The following SIPA1L1 variants were observed in gnomAD, a reference collection of about 807,000 sequenced individuals.
SIPA1L1 encodes the protein signal induced proliferation associated 1 like 1.
A neutral mutation model predicts 162.7 loss-of-function variants in SIPA1L1; 26 were observed. The observed-to-expected ratio is 0.16, with a 90% CI of 0.12 to 0.22. The LOEUF is 0.22. Ranked by LOEUF, SIPA1L1 falls within the 10% of genes least tolerant of loss-of-function variation. SIPA1L1 has a pLI of 1.00. For missense variants in SIPA1L1, 1,874 were observed against 2,241.0 expected (o/e 0.84, Z 3.31); for synonymous variants, 829 against 837.4 (o/e 0.99, Z 0.17).
At chr14:71,540,339 G>A (rs1459618905) in intron 4 of SIPA1L1, among the ~76,000 whole-genome samples, 1 of 152,114 alleles carries the variant, frequency 6.6e-6, no homozygotes, top group African/African-American at 2.4e-5. Context: ...ACCATCAAAG[G>A]CTGATAGAAC....
At chr14:71,633,819 C>T (rs760476772) in intron 7 of SIPA1L1, among the ~76,000 whole-genome samples, 105 of 152,094 alleles carry the variant, frequency 6.9e-4, no homozygotes, top group Non-Finnish European at 1.2e-3. Context: ...AACAAATGAA[C>T]AGAGCTTCAC....
At chr14:71,715,241 G>A (rs1388624894) in intron 17 of SIPA1L1, among the ~76,000 whole-genome samples, 2 of 152,228 alleles carry the variant, frequency 1.3e-5, no homozygotes, top group Non-Finnish European at 2.9e-5. Flanking sequence ...TTCTACCATT[G>A]GTCAGCTATG....
At chr14:71,580,064 TAC>T (rs2033699975) in intron 4 of SIPA1L1, among the ~76,000 whole-genome samples, 2 of 152,220 alleles carry the variant, frequency 1.3e-5, no homozygotes, top group South Asian at 2.1e-4. Context: ...CTGCGTTTTT[TAC>T]AGAGTTCATT....
intron 16 of SIPA1L1, among the ~76,000 whole-genome samples, chr14:71,708,372 T>C (rs1435073392): frequency 6.6e-6 from 1 of 151,624 alleles, no homozygotes. Context: ...AAGGCTGGAA[T>C]GCCGTGCAGT....
intron 6 of SIPA1L1, among the ~76,000 whole-genome samples, chr14:71,623,545 T>C (rs1324604267): frequency 6.6e-6 from 1 of 152,236 alleles, no homozygotes; most frequent in African/African-American, 2.4e-5. Flanking sequence ...AATTGTCCGG[T>C]GGCAGCAGCA....
chr14:71,616,757 A>G (rs2038887694), intron 5 of SIPA1L1, among the ~76,000 whole-genome samples: 1 of 152,228 alleles, frequency 6.6e-6, no homozygotes, highest in South Asian at 2.1e-4. Context: ...AGTGGTTACC[A>G]GAGAATAGAG....
At chr14:71,605,237 T>C (rs2037351990) in intron 5 of SIPA1L1, among the ~76,000 whole-genome samples, 1 of 152,202 alleles carries the variant, frequency 6.6e-6, no homozygotes, top group African/African-American at 2.4e-5. Context: ...TCTGTTTGTT[T>C]CTTTTTATAA....
At chr14:71,623,591 G>A (rs1224504583) in intron 6 of SIPA1L1, among the ~76,000 whole-genome samples, 2 of 152,176 alleles carry the variant, frequency 1.3e-5, no homozygotes, top group Admixed American at 1.3e-4. Context: ...TGTCAGCCAT[G>A]CCTTATGAAG....
At chr14:71,653,748 G>A (rs1439380722) in intron 8 of SIPA1L1, among the ~76,000 whole-genome samples, 1 of 152,192 alleles carries the variant, frequency 6.6e-6, no homozygotes, top group African/African-American at 2.4e-5. Flanking sequence ...ATGGCTGGAA[G>A]CAGAAGTCCC....
intron 7 of SIPA1L1, among the ~76,000 whole-genome samples, chr14:71,638,412 C>G (rs772687366): frequency 6.6e-6 from 1 of 152,126 alleles, no homozygotes; most frequent in Admixed American, 6.5e-5. Context: ...TGTAGCCCAT[C>G]GTACTAACAG....
chr14:71,343,771 TGGGGAAGGGATGTCTGGGAGTTC>T (rs1388175816), intron 2 of SIPA1L1, among the ~76,000 whole-genome samples: 1 of 152,146 alleles, frequency 6.6e-6, no homozygotes, highest in African/African-American at 2.4e-5. Context: ...AGCAGCATCT[TGGGGAAGGGATGTCTGGGAGTTC>T]TCAGGAAGAA....
rs112312732 is a variant in SIPA1L1 at position 71,507,091 on chromosome 14, C to T, written c.-464-5652C>T. On this transcript the variant is annotated intron_variant, in intron 2 of 23. Transcript: ENST00000381232. ...CTTATTCACAGTCTGATGGCTTTTG[C>T]AGTGTAATGCCTTAAATTCTTGCCT... 7.6e-4 allele frequency among the ~76,000 whole-genome samples: 115 copies of T among 152,296 alleles called. 1 individual carries two copies. Among genetic ancestry groups the T allele is most frequent in the African/African-American group, 2.7e-3 (113 of 41,566 alleles).
intron 2 of SIPA1L1, among the ~76,000 whole-genome samples, chr14:71,498,661 C>G (rs1005093213): frequency 8.5e-5 from 13 of 152,134 alleles, no homozygotes; most frequent in Non-Finnish European, 2.9e-5. Flanking sequence ...CTACTATTTT[C>G]AGAATTATAT....
Position 71,650,365 on chromosome 14 carries a change from T to C in SIPA1L1, c.1849T>C (p.Tyr617His). ...CTACCAGCAGAAAGTAGGCATCATG[T>C]ACTGCAAAGCTGGACAGAGCACTGA... ...LNYQQKVGIM[Y>H]CKAGQSTEEE... The change falls in exon 8 of 24, where the codon TAC becomes CAC. Residue 617 changes from tyrosine to histidine, a missense_variant. Physicochemically the swap from Tyr to His is moderately conservative, Grantham distance 83. Coordinates refer to ENST00000381232, the MANE Select transcript of SIPA1L1 (RefSeq NM_001386936.1). 6.2e-7 allele frequency: 1 copy of C among 1,614,168 alleles called. No individual in the cohort carries two copies. The highest frequency in any genetic ancestry group is 8.5e-7 in the Non-Finnish European group (1 of 1,179,994).
intron 2 of SIPA1L1, chr14:71,467,305 C>G (rs888247814): frequency 1.3e-5 from 2 of 152,078 alleles, no homozygotes; most frequent in East Asian, 1.9e-4. Context: ...TAATATTTGC[C>G]TATCTATTTA....
intron 2 of SIPA1L1, among the ~76,000 whole-genome samples, chr14:71,332,735 CTTCA>C (rs750939857): frequency 6.6e-6 from 1 of 152,252 alleles, no homozygotes; most frequent in East Asian, 1.9e-4. Context: ...CCTTCTGCAT[CTTCA>C]TTCATTCATT....
At chr14:71,330,949 C>A (rs1218548626) in intron 2 of SIPA1L1, among the ~76,000 whole-genome samples, 3 of 152,172 alleles carry the variant, frequency 2.0e-5, no homozygotes, top group Non-Finnish European at 4.4e-5. Flanking sequence ...GCTAATTTTG[C>A]TTTTGGCCGT....
chr14:71,698,169 C>T (rs2081798997), intron 13 of SIPA1L1, among the ~76,000 whole-genome samples: 1 of 152,190 alleles, frequency 6.6e-6, no homozygotes, highest in Admixed American at 6.5e-5. Context: ...TTAGCTTAAA[C>T]CTAGTCACAA....
At chr14:71,513,451 C>T (rs1032756497) in intron 3 of SIPA1L1, among the ~76,000 whole-genome samples, 1 of 152,000 alleles carries the variant, frequency 6.6e-6, no homozygotes, top group African/African-American at 2.4e-5. Flanking sequence ...AAGAGAGAGA[C>T]AGACATACAG....
Sources: gnomAD v4.1 joint callset for allele counts (sites outside exome capture counted in the v4.1 genomes callset) on GRCh38, gnomAD v4.1.1 for gene constraint, MANE v1.5 for transcripts, NCBI Gene and HGNC (gene_info 2026-07-23, HGNC 2026-07-21) for gene names.